Variants in ITFG1 observed in about 807,000 individuals in gnomAD.
The protein encoded by ITFG1 is integrin alpha FG-GAP repeat containing 1.
ITFG1 carries 34 observed loss-of-function variants against 81.8 expected under a neutral mutation model. The ratio of observed to expected loss-of-function variants is 0.42; its 90% CI spans 0.32 to 0.55. The LOEUF (loss-of-function observed/expected upper bound fraction) is 0.55. Ranked by LOEUF, ITFG1 falls within the 20% of genes least tolerant of loss-of-function variation. ITFG1 has a pLI of 0.17. For synonymous variants in ITFG1, 285 were observed against 270.6 expected, an observed-to-expected ratio of 1.05 and a Z score of -0.52; for missense variants, 672 against 755.4, an observed-to-expected ratio of 0.89 and a Z score of 1.29.
chr16:47,394,912 T>G (rs1018188370), intron 6 of ITFG1, among the ~76,000 whole-genome samples: 1 of 152,148 alleles, frequency 6.6e-6, no homozygotes, highest in Admixed American at 6.5e-5. Context: ...AAAAATTAGT[T>G]CTGTTGGTAT....
At chr16:47,347,331 G>A (rs1326299106) in intron 8 of ITFG1, among the ~76,000 whole-genome samples, 12 of 152,186 alleles carry the variant, frequency 7.9e-5, no homozygotes, top group African/African-American at 2.9e-4. Context: ...CTGGAAAATC[G>A]GGTCACTCCC....
intron 6 of ITFG1, among the ~76,000 whole-genome samples, chr16:47,419,382 T>C (rs1968914027): frequency 6.6e-6 from 1 of 151,760 alleles, no homozygotes; most frequent in Non-Finnish European, 1.5e-5. Context: ...AATCCCCCCA[T>C]CTCAGCCTCC....
rs1019869071 is a variant in ITFG1 at position 47,368,166 on chromosome 16, G to A, written c.721-2297C>T. 4.6e-5 allele frequency among the ~76,000 whole-genome samples: 7 copies of A among 151,308 alleles called. No individual in the cohort carries two copies. In the South Asian group the frequency reaches 6.3e-4, roughly 14 times the overall value. On this transcript the variant is annotated intron_variant, in intron 7 of 17. Transcript: ENST00000320640. ...GAAGAATGGTGTGAACCCAGGAGGC[G>A]GAGCTTGCAGTAAGCCGAGATTGCA...
At chr16:47,291,763 T>C (rs954509282) in intron 10 of ITFG1, among the ~76,000 whole-genome samples, 19 of 152,338 alleles carry the variant, frequency 1.2e-4, no homozygotes, top group African/African-American at 4.6e-4. Flanking sequence ...ATTTCATTCA[T>C]TGAGTAATTA....
At chr16:47,263,818 T>A (rs1408065173) in intron 10 of ITFG1, among the ~76,000 whole-genome samples, 4 of 152,184 alleles carry the variant, frequency 2.6e-5, no homozygotes, top group African/African-American at 9.7e-5. Flanking sequence ...TTGGTAAAGA[T>A]TACAAATGTC....
chr16:47,460,730 G>A, intron 1 of ITFG1, 108 bp downstream of exon 1: 2 of 1,211,124 alleles, frequency 1.7e-6, no homozygotes, highest in South Asian at 2.7e-5. Flanking sequence ...AGGGCTGGGA[G>A]AGAAGGACCA....
At chr16:47,411,662 C>T (rs1968812579) in intron 6 of ITFG1, among the ~76,000 whole-genome samples, 1 of 152,098 alleles carries the variant, frequency 6.6e-6, no homozygotes, top group Non-Finnish European at 1.5e-5. Context: ...ACCTTTGACT[C>T]GGACAACCAC....
rs1368632192 is a variant in ITFG1 at position 47,414,005 on chromosome 16, G to C, written c.655+14799C>G. ...CCGGCTAATTTTTTAATTTTTAGTA[G>C]AGTCGGGGTTTCACCATGTTGGCCA... On this transcript the variant is annotated intron_variant, in intron 6 of 17. Transcript: ENST00000320640. 9.9e-5 allele frequency among the ~76,000 whole-genome samples: 15 copies of C among 151,920 alleles called. No homozygotes were observed. In the East Asian group the frequency reaches 3.0e-3, roughly 30 times the overall value.
intron 14 of ITFG1, among the ~76,000 whole-genome samples, chr16:47,168,425 G>A (rs1473875159): frequency 6.6e-6 from 1 of 152,122 alleles, no homozygotes; most frequent in Non-Finnish European, 1.5e-5. Context: ...CCAGGCTGGA[G>A]TGCAGCGGCA....
intron 11 of ITFG1, 49 bp from the exon 12 acceptor site, chr16:47,258,789 A>G (rs1278867737): frequency 1.7e-6 from 1 of 581,496 alleles, no homozygotes; most frequent in Non-Finnish European, 2.7e-6. Flanking sequence ...TAGACCAACT[A>G]AAAAAAAAAT....
chr16:47,307,433 G>A (rs1227582816), intron 10 of ITFG1, among the ~76,000 whole-genome samples: 1 of 151,960 alleles, frequency 6.6e-6, no homozygotes, highest in Non-Finnish European at 1.5e-5. Flanking sequence ...TTTATTATGG[G>A]ACTAAGAATT....
chr16:47,310,516 T>C (rs1967241185), intron 10 of ITFG1, among the ~76,000 whole-genome samples: 1 of 152,202 alleles, frequency 6.6e-6, no homozygotes, highest in Non-Finnish European at 1.5e-5. Context: ...TCAAGCTAAT[T>C]ATGAGTTTAA....
chr16:47,233,438 A>T (rs1567430870), intron 13 of ITFG1, among the ~76,000 whole-genome samples: 1 of 152,174 alleles, frequency 6.6e-6, no homozygotes, highest in Non-Finnish European at 1.5e-5. Context: ...GCAGGGGGGA[A>T]CCCTCACACT....
At chr16:47,205,858 ATCT>A (rs1965491005) in intron 14 of ITFG1, among the ~76,000 whole-genome samples, 1 of 151,410 alleles carries the variant, frequency 6.6e-6, no homozygotes, top group Non-Finnish European at 1.5e-5. Context: ...CTATCTATCT[ATCT>A]ATCTATCTAT....
chr16:47,453,161 C>T (rs1969410099), intron 3 of ITFG1, among the ~76,000 whole-genome samples: 1 of 152,128 alleles, frequency 6.6e-6, no homozygotes, highest in Non-Finnish European at 1.5e-5. Context: ...AATGTACATG[C>T]TTATATACAA....
chr16:47,235,101 C>T (rs759997570), intron 13 of ITFG1, among the ~76,000 whole-genome samples: 10 of 152,132 alleles, frequency 6.6e-5, no homozygotes, highest in East Asian at 1.9e-4. Flanking sequence ...AGCATGAGAA[C>T]GGACTAATAC....
intron 14 of ITFG1, among the ~76,000 whole-genome samples, chr16:47,205,178 C>T (rs8055882): frequency 0.12 from 17,806 of 152,226 alleles, 2,273 homozygotes; most frequent in African/African-American, 0.32. Flanking sequence ...TTATAGTCTA[C>T]ATCAGGATTT....
intron 13 of ITFG1, among the ~76,000 whole-genome samples, chr16:47,222,527 C>A (rs1232735771): frequency 2.6e-5 from 4 of 151,860 alleles, no homozygotes; most frequent in Non-Finnish European, 5.9e-5. Flanking sequence ...CATTCTCCTG[C>A]CTCAGCCTCC....
intron 10 of ITFG1, among the ~76,000 whole-genome samples, chr16:47,310,166 A>G (rs943374285): frequency 1.3e-5 from 2 of 152,232 alleles, no homozygotes; most frequent in Admixed American, 6.5e-5. Flanking sequence ...TAGGAAAGTT[A>G]ACGTACAGAC....
Sources: allele counts gnomAD v4.1 joint callset (sites outside exome capture counted in the v4.1 genomes callset), GRCh38; gene constraint gnomAD v4.1.1; transcripts MANE v1.5; gene names NCBI Gene and HGNC (gene_info 2026-07-23, HGNC 2026-07-21).